The following ANKS1B variants were observed in gnomAD, a reference collection of about 807,000 sequenced individuals.
The protein encoded by ANKS1B is ankyrin repeat and sterile alpha motif domain containing 1B.
ANKS1B carries 36 observed loss-of-function variants against 148.3 expected under a neutral mutation model. The observed-to-expected ratio is 0.24, with a 90% CI of 0.19 to 0.32. The LOEUF (loss-of-function observed/expected upper bound fraction) is 0.32, where lower values mean the gene tolerates loss of function less well. Among genes scored for constraint, ANKS1B ranks in the 10% least tolerant of loss-of-function variants. The pLI is 1.00. For synonymous variants in ANKS1B, 542 were observed against 560.8 expected (o/e 0.97, Z 0.47); for missense variants, 1,157 against 1,542.6 (o/e 0.75, Z 4.19).
At chr12:99,885,531 C>T (rs1478201339) in intron 1 of ANKS1B, among the ~76,000 whole-genome samples, 1 of 152,106 alleles carries the variant, frequency 6.6e-6, no homozygotes, top group Non-Finnish European at 1.5e-5. Flanking sequence ...TCTCAATCTC[C>T]TGACCTCGTG....
At chr12:99,796,150 A>G (rs1388093956) in intron 4 of ANKS1B, among the ~76,000 whole-genome samples, 2 of 151,984 alleles carry the variant, frequency 1.3e-5, no homozygotes, top group Admixed American at 6.6e-5. Flanking sequence ...AGAACAGTCG[A>G]TCTGATAATC....
At chr12:98,884,126 T>C (rs1046246880) in intron 17 of ANKS1B, among the ~76,000 whole-genome samples, 2 of 152,188 alleles carry the variant, frequency 1.3e-5, no homozygotes, top group Non-Finnish European at 2.9e-5. Context: ...TTCAAATATA[T>C]ATCATTTACA....
chr12:99,910,384 T>C (rs1043796396), intron 1 of ANKS1B, among the ~76,000 whole-genome samples: 1 of 119,848 alleles, frequency 8.3e-6, no homozygotes, highest in Non-Finnish European at 1.8e-5. Context: ...AAAAGAGGAA[T>C]AAAGTACAGA....
chr12:99,920,415 A>G (rs2094315698), intron 1 of ANKS1B, among the ~76,000 whole-genome samples: 1 of 151,990 alleles, frequency 6.6e-6, no homozygotes, highest in South Asian at 2.1e-4. Flanking sequence ...AAAATTTTAA[A>G]CTTGAGGCAT....
intron 16 of ANKS1B, among the ~76,000 whole-genome samples, chr12:99,070,199 T>C (rs2045820154): frequency 6.6e-6 from 1 of 152,122 alleles, no homozygotes; most frequent in African/African-American, 2.4e-5. Flanking sequence ...TAGAGTTCAC[T>C]ATGGATCCAC....
intron 5 of ANKS1B, among the ~76,000 whole-genome samples, chr12:99,780,770 T>A (rs1162807119): frequency 3.3e-5 from 5 of 152,200 alleles, no homozygotes; most frequent in Non-Finnish European, 2.9e-5. Flanking sequence ...AGAACAGTCT[T>A]AGAACACTTG....
At chr12:99,264,293 A>T (rs550188631) in intron 12 of ANKS1B, among the ~76,000 whole-genome samples, 7 of 152,178 alleles carry the variant, frequency 4.6e-5, no homozygotes, top group South Asian at 2.1e-4. Context: ...TATCATATGC[A>T]TATTGGATCT....
At chr12:99,595,632 TC>T (rs990617612) in intron 9 of ANKS1B, among the ~76,000 whole-genome samples, 1 of 151,862 alleles carries the variant, frequency 6.6e-6, no homozygotes, top group African/African-American at 2.4e-5. Flanking sequence ...CCAAGGTCGT[TC>T]CTTTAATTTT....
At chr12:99,434,289 C>G (rs1051134603) in intron 11 of ANKS1B, among the ~76,000 whole-genome samples, 5 of 152,152 alleles carry the variant, frequency 3.3e-5, no homozygotes, top group African/African-American at 9.7e-5. Context: ...AATGCCAACT[C>G]TACTTTCTGA....
intron 1 of ANKS1B, among the ~76,000 whole-genome samples, chr12:99,944,231 A>G (rs2094996181): frequency 6.6e-6 from 1 of 152,194 alleles, no homozygotes. Flanking sequence ...CCAATAAGGG[A>G]ATTCTTGGGC....
chr12:99,756,802 A>G (rs2061612526), intron 8 of ANKS1B, among the ~76,000 whole-genome samples: 1 of 152,084 alleles, frequency 6.6e-6, no homozygotes, highest in Non-Finnish European at 1.5e-5. Context: ...CACACCTACA[A>G]CTATGTGATC....
rs2092522352 is a variant in ANKS1B at position 99,362,255 on chromosome 12, A to C, written c.1756+37376T>G. 2.0e-5 allele frequency among the ~76,000 whole-genome samples: 3 copies of C among 152,046 alleles called. No homozygotes were observed. In the South Asian group the frequency reaches 6.2e-4, roughly 31 times the overall value. ...TAATAAAACCTTATACTCACCGCCA[A>C]CATTAGACGAGTTAAAATTTCCTGT... On this transcript the variant is annotated intron_variant, in intron 12 of 26. Coordinates refer to ENST00000683438, the MANE Select transcript of ANKS1B (RefSeq NM_001352186.2).
intron 15 of ANKS1B, among the ~76,000 whole-genome samples, chr12:99,133,525 T>C (rs1484297541): frequency 1.3e-5 from 2 of 152,228 alleles, no homozygotes; most frequent in Non-Finnish European, 2.9e-5. Context: ...CACAATATTG[T>C]TGGCATCATA....
chr12:99,280,090 T>C (rs376722806), intron 12 of ANKS1B, among the ~76,000 whole-genome samples: 1 of 152,052 alleles, frequency 6.6e-6, no homozygotes, highest in Non-Finnish European at 1.5e-5. Flanking sequence ...TGATATTTTA[T>C]CCAAATATCA....
chr12:99,577,289 C>T (rs2097528180), intron 9 of ANKS1B, among the ~76,000 whole-genome samples: 1 of 141,994 alleles, frequency 7.0e-6, no homozygotes, highest in Admixed American at 7.1e-5. Context: ...TCTCTGTTCA[C>T]ATCAAATAAA....
chr12:99,436,157 C>G (rs962363484), intron 11 of ANKS1B, among the ~76,000 whole-genome samples: 1 of 152,000 alleles, frequency 6.6e-6, no homozygotes, highest in Non-Finnish European at 1.5e-5. Context: ...TGTTCTTCCT[C>G]CTTTTTCAAA....
At chr12:98,850,542 A>T (rs1357702791) in intron 17 of ANKS1B, among the ~76,000 whole-genome samples, 1 of 127,254 alleles carries the variant, frequency 7.9e-6, no homozygotes. Flanking sequence ...ATCTCGGCTC[A>T]CTGCAACCTC....
chr12:99,108,954 A>C lies in ANKS1B; in HGVS notation c.2527-23931T>G, dbSNP rs543042679. ...ACTGATCACTCACAGGGAATGAGGA[A>C]GGGAAGTAAATGGCCTCAAAGAAGT... On this transcript the variant is annotated intron_variant, in intron 15 of 26. Transcript: ENST00000683438. Among the ~76,000 whole-genome samples, 15 of 152,288 alleles carry C rather than the reference A, an allele frequency of 9.8e-5. No individual in the cohort carries two copies. The South Asian group carries it at 2.7e-3, about 27-fold the overall frequency.
chr12:99,643,481 G>C (rs1245529211), intron 9 of ANKS1B, among the ~76,000 whole-genome samples: 2 of 152,170 alleles, frequency 1.3e-5, no homozygotes, highest in Non-Finnish European at 2.9e-5. Context: ...ACTCCATTAG[G>C]TTTCAAGCCC....
Sources: allele counts gnomAD v4.1 joint callset (sites outside exome capture counted in the v4.1 genomes callset), GRCh38; gene constraint gnomAD v4.1.1; transcripts MANE v1.5; gene names NCBI Gene and HGNC (gene_info 2026-07-23, HGNC 2026-07-21).